The following CAMTA1 variants were observed in gnomAD, a reference collection of about 807,000 sequenced individuals.
The protein encoded by CAMTA1 is calmodulin-binding transcription activator 1.
CAMTA1 carries 27 observed loss-of-function variants against 170.9 expected under a neutral mutation model. The ratio of observed to expected loss-of-function variants is 0.16; its 90% CI spans 0.12 to 0.22. The LOEUF is 0.22. Ranked by LOEUF, CAMTA1 falls within the 10% of genes least tolerant of loss-of-function variation. The probability of loss-of-function intolerance (pLI) is 1.00; values close to 1 mark genes in which losing one functional copy is unlikely to be tolerated. For missense variants in CAMTA1, 1,619 were observed against 2,217.2 expected, an observed-to-expected ratio of 0.73 and a Z score of 5.42; for synonymous variants, 833 against 891.5, an observed-to-expected ratio of 0.93 and a Z score of 1.17.
rs138641964 is a variant in CAMTA1, at chr1:6,959,748, C to T, written c.235-131556C>T. ...GACTGCCCCATTTTCCTTGAGGTTA[C>T]GTTGCTCTTGTAAGGTCACTTCACT... On this transcript the variant is annotated intron_variant, in intron 3 of 22. Coordinates refer to ENST00000303635, the MANE Select transcript of CAMTA1 (RefSeq NM_015215.4). Among the ~76,000 whole-genome samples the T allele has an allele frequency of 3.3e-3, 509 of 152,276 alleles. 1 individual carries two copies. The highest frequency in any genetic ancestry group is 6.0e-3 in the Non-Finnish European group (408 of 68,024).
chr1:7,465,591 T>TGAGC (rs1403659675), intron 5 of CAMTA1, among the ~76,000 whole-genome samples: 1 of 152,082 alleles, frequency 6.6e-6, no homozygotes, highest in African/African-American at 2.4e-5. Context: ...TTCAAATGAG[T>TGAGC]GAGCCTTGAT....
At chr1:7,319,229 A>G (rs1677989967) in intron 5 of CAMTA1, among the ~76,000 whole-genome samples, 1 of 152,082 alleles carries the variant, frequency 6.6e-6, no homozygotes, top group Non-Finnish European at 1.5e-5. Context: ...AGGGTGAGAT[A>G]GTGATATGGT....
intron 6 of CAMTA1, among the ~76,000 whole-genome samples, chr1:7,603,028 T>C (rs1484038606): frequency 6.6e-6 from 1 of 152,224 alleles, no homozygotes; most frequent in Non-Finnish European, 1.5e-5. Flanking sequence ...TCTAGTTTGA[T>C]TGCACTGTGG....
intron 3 of CAMTA1, among the ~76,000 whole-genome samples, chr1:6,953,280 C>G (rs1688826991): frequency 6.6e-6 from 1 of 152,202 alleles, no homozygotes; most frequent in Non-Finnish European, 1.5e-5. Context: ...AGAGCTCTCT[C>G]TTTTCACCAT....
chr1:7,738,236 C>T lies in CAMTA1; in HGVS notation c.3936C>T (p.Ala1312=). The T allele has an allele frequency of 6.2e-7, 1 of 1,614,054 alleles. No individual in the cohort carries two copies. Among genetic ancestry groups the T allele is most frequent in the Middle Eastern group, 1.6e-4 (1 of 6,062 alleles). ...PPTPETAAFQ[A]SGSQPVGKWN... ...CTCCAGAGACTGCAGCATTTCAAGC[C>T]TCTGGATCTCAGCCTGTAGGAAAGT... Residue 1312 remains alanine (A), a synonymous_variant, in exon 16 of 23, where the codon GCC becomes GCT. Transcript: ENST00000303635. The surrounding 1 kb of genome is among the most constrained non-coding windows in gnomAD (Gnocchi z 4.9).
intron 3 of CAMTA1, among the ~76,000 whole-genome samples, chr1:6,898,324 C>T (rs990663165): frequency 6.6e-6 from 1 of 152,140 alleles, no homozygotes; most frequent in Non-Finnish European, 1.5e-5. Context: ...GAGGCCGAGG[C>T]AGGCAGATCA....
intron 6 of CAMTA1, among the ~76,000 whole-genome samples, chr1:7,492,412 C>T (rs1278023567): frequency 1.3e-5 from 2 of 152,134 alleles, no homozygotes; most frequent in Non-Finnish European, 2.9e-5. Flanking sequence ...GGGGTGTGCA[C>T]ATGAGCAAGG....
chr1:7,518,951 G>GC (rs1355777906), intron 6 of CAMTA1, among the ~76,000 whole-genome samples: 1 of 151,996 alleles, frequency 6.6e-6, no homozygotes, highest in Admixed American at 6.5e-5. Context: ...AGGGGAGGGG[G>GC]CCCCCGGCCC....
At chr1:7,373,001 C>T (rs1413974554) in intron 5 of CAMTA1, among the ~76,000 whole-genome samples, 5 of 152,180 alleles carry the variant, frequency 3.3e-5, no homozygotes, top group East Asian at 1.9e-4. Flanking sequence ...CTGGTGTCAC[C>T]GTAGAAGCTC....
intron 3 of CAMTA1, among the ~76,000 whole-genome samples, chr1:6,847,402 C>T (rs189151038): frequency 1.1e-4 from 16 of 152,122 alleles, no homozygotes; most frequent in Middle Eastern, 3.4e-3. Flanking sequence ...TGCAAAGGAA[C>T]GGAAGAAGGA....
chr1:7,493,123 C>T (rs914450583), intron 6 of CAMTA1, among the ~76,000 whole-genome samples: 3 of 139,362 alleles, frequency 2.2e-5, no homozygotes, highest in South Asian at 2.3e-4. Flanking sequence ...CACACGCGCA[C>T]ACACAGACAT....
intron 3 of CAMTA1, among the ~76,000 whole-genome samples, chr1:6,879,613 C>CTTTTTTTT (rs58610375): frequency 1.1e-4 from 14 of 132,860 alleles, no homozygotes; most frequent in Admixed American, 1.6e-4. Flanking sequence ...TTCCTTTTTT[C>CTTTTTTTT]TTTTTTTTTT....
chr1:7,055,627 T>A (rs1707197432), intron 3 of CAMTA1, among the ~76,000 whole-genome samples: 2 of 152,212 alleles, frequency 1.3e-5, no homozygotes, highest in South Asian at 4.1e-4. Context: ...GATGGAGACC[T>A]GGCCTCGAGG....
chr1:6,881,584 C>A (rs1424188605), intron 3 of CAMTA1, among the ~76,000 whole-genome samples: 1 of 152,170 alleles, frequency 6.6e-6, no homozygotes, highest in Non-Finnish European at 1.5e-5. Context: ...TCCTGTGCAG[C>A]CCCGCAGGGC....
chr1:6,838,400 G>C (rs1360358796), intron 3 of CAMTA1, among the ~76,000 whole-genome samples: 2 of 152,188 alleles, frequency 1.3e-5, no homozygotes, highest in Admixed American at 6.5e-5. Context: ...TAAGGGGCGA[G>C]TGAGGGTGAG....
At chr1:7,183,645 A>C (rs562605963) in intron 4 of CAMTA1, among the ~76,000 whole-genome samples, 1 of 152,334 alleles carries the variant, frequency 6.6e-6, no homozygotes, top group African/African-American at 2.4e-5. Context: ...GCAACTGTGA[A>C]AAAGAAAGAG....
At position 6,965,114 on chromosome 1, in the gene CAMTA1, C is replaced by T. The variant is rs1030049766; in HGVS notation, c.235-126190C>T. Among the ~76,000 whole-genome samples, 1 of 152,114 alleles carries T rather than the reference C, an allele frequency of 6.6e-6. No homozygotes were observed. Among genetic ancestry groups the T allele is most frequent in the Admixed American group, 6.5e-5 (1 of 15,276 alleles). On this transcript the variant is annotated intron_variant, in intron 3 of 22. Transcript: ENST00000303635. The surrounding 1 kb of genome is among the most constrained non-coding windows in gnomAD (Gnocchi z 4.1). ...GCTGGCAAGGAAGAAGCAGGGCCAG[C>T]GGAAGGGCTGTATTTCTGGTGAGAT...
In CAMTA1 at chr1:7,633,076, C is replaced by A. The variant is rs2095683258; in HGVS notation, c.511-7324C>A. On this transcript the variant is annotated intron_variant, in intron 6 of 22. Coordinates refer to ENST00000303635, the MANE Select transcript of CAMTA1 (RefSeq NM_015215.4). This position sits in a 1 kb window ranked among gnomAD's most constrained non-coding sequence, Gnocchi z 4.1. ...AAGGGCCTGCTTAACACAGAGCAGG[C>A]ATTCTCTGCAGAATGTTCTTAGCCT... 6.6e-6 allele frequency among the ~76,000 whole-genome samples: 1 copy of A among 152,246 alleles called. No homozygotes were observed. Among genetic ancestry groups the A allele is most frequent in the Non-Finnish European group, 1.5e-5 (1 of 68,042 alleles).
At chr1:6,979,352 T>G (rs1251951543) in intron 3 of CAMTA1, among the ~76,000 whole-genome samples, 1 of 152,170 alleles carries the variant, frequency 6.6e-6, no homozygotes, top group Non-Finnish European at 1.5e-5. Context: ...TTTTGCCCAG[T>G]CAGGGCCATT....
Sources: allele counts gnomAD v4.1 joint callset (sites outside exome capture counted in the v4.1 genomes callset), GRCh38; gene constraint gnomAD v4.1.1; non-coding constraint Gnocchi (gnomAD v3.1); transcripts MANE v1.5; gene names NCBI Gene and HGNC (gene_info 2026-07-23, HGNC 2026-07-21).